THRB: variants seen among roughly 807,000 people sequenced by gnomAD.
The protein encoded by THRB is nuclear receptor subfamily 1 group A member 2.
A neutral mutation model predicts 47.8 loss-of-function variants in THRB; 12 were observed. The ratio of observed to expected loss-of-function variants is 0.25; its 90% confidence interval spans 0.16 to 0.41. The LOEUF (loss-of-function observed/expected upper bound fraction) is 0.41, where lower values mean the gene tolerates loss of function less well. Ranked by LOEUF, THRB falls within the 10% of genes least tolerant of loss-of-function variation. The probability of loss-of-function intolerance (pLI) is 1.00; values close to 1 mark genes in which losing one functional copy is unlikely to be tolerated. For missense variants in THRB, 348 were observed against 589.2 expected (o/e 0.59, Z 4.24); for synonymous variants, 218 against 212.2 (o/e 1.03, Z -0.24).
At chr3:24,488,631 T>C (rs1043036462) in intron 1 of THRB, among the ~76,000 whole-genome samples, 9 of 152,010 alleles carry the variant, frequency 5.9e-5, no homozygotes, top group African/African-American at 2.2e-4. Flanking sequence ...TTGCACATTG[T>C]CCATTGTTCA....
At chr3:24,314,697 C>T (rs2149237276) in intron 2 of THRB, among the ~76,000 whole-genome samples, 2 of 152,258 alleles carry the variant, frequency 1.3e-5, no homozygotes, top group South Asian at 2.1e-4. Context: ...ATCGCACATT[C>T]CCAATTCTTT....
At chr3:24,318,230 T>C (rs1006619078) in intron 2 of THRB, 1 of 152,182 alleles carries the variant, frequency 6.6e-6, no homozygotes, top group African/African-American at 2.4e-5. Flanking sequence ...AAAATATATT[T>C]CACTTAAGTA....
chr3:24,402,862 C>G (rs2067528910), intron 1 of THRB, among the ~76,000 whole-genome samples: 1 of 151,884 alleles, frequency 6.6e-6, no homozygotes, highest in African/African-American at 2.4e-5. Context: ...AAAGACAGTA[C>G]CAGGTTAGAA....
At chr3:24,298,623 A>G (rs922510955) in intron 2 of THRB, among the ~76,000 whole-genome samples, 2 of 152,200 alleles carry the variant, frequency 1.3e-5, no homozygotes, top group Non-Finnish European at 2.9e-5. Context: ...TTTTTACCCT[A>G]AGCCTTGTAA....
At chr3:24,140,010 T>C (rs1268530051) in intron 8 of THRB, among the ~76,000 whole-genome samples, 1 of 152,212 alleles carries the variant, frequency 6.6e-6, no homozygotes, top group Non-Finnish European at 1.5e-5. Context: ...CAAAAAAGCC[T>C]GTTTGGTACA....
At chr3:24,315,730 A>G (rs79155018) in intron 2 of THRB, among the ~76,000 whole-genome samples, 3,558 of 152,284 alleles carry the variant, frequency 0.023, 121 homozygotes, top group African/African-American at 0.079. Flanking sequence ...TACGATTAGA[A>G]CTTTACTCTC....
At chr3:24,373,188 T>C (rs2065040317) in intron 1 of THRB, among the ~76,000 whole-genome samples, 2 of 152,096 alleles carry the variant, frequency 1.3e-5, no homozygotes, top group Admixed American at 6.6e-5. Flanking sequence ...AAGTCTAGAT[T>C]GTTAATTTTC....
intron 1 of THRB, among the ~76,000 whole-genome samples, chr3:24,484,617 T>C (rs1697012084): frequency 6.6e-6 from 1 of 152,196 alleles, no homozygotes; most frequent in Non-Finnish European, 1.5e-5. Context: ...AGTGTTGGGC[T>C]ACCAGGGGTT....
chr3:24,161,386 G>C (rs546763692), intron 5 of THRB, among the ~76,000 whole-genome samples: 5 of 152,068 alleles, frequency 3.3e-5, no homozygotes, highest in South Asian at 2.1e-4. Context: ...GATCACATCT[G>C]TGTTTAAATT....
chr3:24,480,726 G>C (rs1242673225), intron 1 of THRB, among the ~76,000 whole-genome samples: 1 of 152,164 alleles, frequency 6.6e-6, no homozygotes, highest in Non-Finnish European at 1.5e-5. Flanking sequence ...TCAAAACACT[G>C]CCAGACAATG....
chr3:24,154,114 G>A (rs1455575133), intron 5 of THRB, among the ~76,000 whole-genome samples: 1 of 152,198 alleles, frequency 6.6e-6, no homozygotes, highest in African/African-American at 2.4e-5. Flanking sequence ...TGACTTGAAA[G>A]TGAGGTTTAG....
intron 2 of THRB, among the ~76,000 whole-genome samples, chr3:24,333,576 G>C (rs555536166): frequency 5.9e-5 from 9 of 152,152 alleles, no homozygotes; most frequent in Middle Eastern, 3.2e-3. Flanking sequence ...AAACTGGTTG[G>C]AGAAAAATCT....
intron 1 of THRB, among the ~76,000 whole-genome samples, chr3:24,380,892 G>A (rs2065657868): frequency 6.6e-6 from 1 of 152,068 alleles, no homozygotes; most frequent in South Asian, 2.1e-4. Context: ...CGAGGCAGGT[G>A]GATCATGAGG....
intron 3 of THRB, among the ~76,000 whole-genome samples, chr3:24,255,374 A>G (rs1287106073): frequency 6.6e-5 from 10 of 152,220 alleles, no homozygotes; most frequent in Admixed American, 6.5e-4. Flanking sequence ...ATATACATAT[A>G]CAATACAACA....
At chr3:24,418,043 A>G (rs2150252385) in intron 1 of THRB, among the ~76,000 whole-genome samples, 2 of 151,936 alleles carry the variant, frequency 1.3e-5, no homozygotes, top group Middle Eastern at 3.4e-3. Flanking sequence ...AAGGCCTTCT[A>G]AATACTTCTC....
intron 3 of THRB, among the ~76,000 whole-genome samples, chr3:24,294,612 C>T (rs536303837): frequency 2.0e-5 from 3 of 152,240 alleles, no homozygotes; most frequent in African/African-American, 7.2e-5. Context: ...ACATATGCTG[C>T]CTAGAGAGGT....
intron 2 of THRB, among the ~76,000 whole-genome samples, chr3:24,319,605 T>A (rs1857793): frequency 1.3e-5 from 2 of 152,004 alleles, no homozygotes; most frequent in African/African-American, 4.8e-5. Flanking sequence ...CAAACTTCAG[T>A]GTTGCTGGAA....
chr3:24,343,584 A>G (rs1394770), intron 1 of THRB, among the ~76,000 whole-genome samples: 25,839 of 152,018 alleles, frequency 0.17, 2,615 homozygotes, highest in Middle Eastern at 0.23. Flanking sequence ...AATTTACTAA[A>G]CTAGAAAGTT....
In THRB at chr3:24,193,001, G is replaced by A. The variant is rs556691841; in HGVS notation, c.23-2667C>T. On this transcript the variant is annotated intron_variant, in intron 4 of 10. Coordinates refer to ENST00000646209, the MANE Select transcript of THRB (RefSeq NM_001354712.2). Reference sequence around the variant, plus strand: ...AGGAGGATTCTTGATTCTGATCCTCGCAAGAACAGAGGGGCAACATGCAAT... The same window carrying A: ...AGGAGGATTCTTGATTCTGATCCTCACAAGAACAGAGGGGCAACATGCAAT... 3.9e-5 allele frequency among the ~76,000 whole-genome samples: 6 copies of A among 152,228 alleles called. No individual in the cohort carries two copies. In the East Asian group the frequency reaches 9.6e-4, roughly 24 times the overall value.
Sources: gnomAD v4.1 joint callset for allele counts (sites outside exome capture counted in the v4.1 genomes callset) on GRCh38, gnomAD v4.1.1 for gene constraint, MANE v1.5 for transcripts, NCBI Gene and HGNC (gene_info 2026-07-23, HGNC 2026-07-21) for gene names.